CDH1: variants seen among roughly 807,000 people sequenced by gnomAD.
CDH1 encodes cadherin-1.
CDH1 carries 35 observed loss-of-function variants against 84.5 expected under a neutral mutation model. That is an observed-to-expected ratio of 0.41 (90% CI 0.32 to 0.55). The LOEUF (loss-of-function observed/expected upper bound fraction) is 0.55. Ranked by LOEUF, CDH1 falls within the 20% of genes least tolerant of loss-of-function variation. The pLI, the probability that CDH1 is intolerant of heterozygous loss-of-function variation, is 0.19. For missense variants in CDH1, 994 were observed against 1,126.6 expected, an observed-to-expected ratio of 0.88 and a Z score of 1.68; for synonymous variants, 417 against 439.0, an observed-to-expected ratio of 0.95 and a Z score of 0.63.
At chr16:68,754,459 A>G (rs1161157885) in intron 2 of CDH1, among the ~76,000 whole-genome samples, 1 of 152,204 alleles carries the variant, frequency 6.6e-6, no homozygotes, top group Non-Finnish European at 1.5e-5. Context: ...TGTGATCATA[A>G]GCAACAGTGT....
intron 6 of CDH1, among the ~76,000 whole-genome samples, chr16:68,810,685 G>T (rs1960796742): frequency 6.6e-6 from 1 of 151,858 alleles, no homozygotes; most frequent in South Asian, 2.1e-4. Context: ...CCAACATGGT[G>T]AAACCTCGTC....
At chr16:68,739,957 C>T (rs7196495) in intron 2 of CDH1, among the ~76,000 whole-genome samples, 122,466 of 152,014 alleles carry the variant, frequency 0.81, 50,091 homozygotes, top group Non-Finnish European at 0.89. Context: ...GTAGTTCTGA[C>T]TCAGGATGAA....
chr16:68,784,347 C>T (rs1480257524), intron 2 of CDH1, among the ~76,000 whole-genome samples: 2 of 152,090 alleles, frequency 1.3e-5, no homozygotes, highest in South Asian at 2.1e-4. Context: ...AGGGGTCTTG[C>T]CTGACATTCT....
intron 2 of CDH1, among the ~76,000 whole-genome samples, chr16:68,789,787 C>T (rs987896047): frequency 7.2e-5 from 11 of 152,056 alleles, no homozygotes; most frequent in Non-Finnish European, 1.5e-4. Flanking sequence ...AGGCTGGGCC[C>T]GGTGGCTCAT....
At chr16:68,772,675 C>T (rs1959611361) in intron 2 of CDH1, among the ~76,000 whole-genome samples, 1 of 152,170 alleles carries the variant, frequency 6.6e-6, no homozygotes, top group African/African-American at 2.4e-5. Context: ...TGGCTCAAGC[C>T]TGTAATCCCA....
intron 2 of CDH1, among the ~76,000 whole-genome samples, chr16:68,777,412 G>A (rs2152121518): frequency 6.6e-6 from 1 of 152,256 alleles, no homozygotes; most frequent in Non-Finnish European, 1.5e-5. Context: ...TATAAGCCTG[G>A]CATGCAGTGT....
Position 68,834,022 on chromosome 16 carries a change from TCACA to T in CDH1, c.*524_*527del. On this transcript the variant is annotated 3_prime_UTR_variant, in exon 16 of 16. Coordinates refer to ENST00000261769, the MANE Select transcript of CDH1 (RefSeq NM_004360.5). Reference sequence around the variant, plus strand: ...GCCAGGCTGGAGTGCAGTGGTGCAATCACAGCTCACTGCAGCCTTGTCCTCCCAG... The same window carrying T: ...GCCAGGCTGGAGTGCAGTGGTGCAATGCTCACTGCAGCCTTGTCCTCCCAG... 1 of 357,404 alleles carries T rather than the reference TCACA, an allele frequency of 2.8e-6. No individual in the cohort carries two copies. The highest frequency in any genetic ancestry group is 5.3e-6 in the Non-Finnish European group (1 of 188,852). The allele number at this position is 357,404 out of a possible 1,614,324, so 22.1% of individuals were successfully genotyped here. A position where few individuals can be genotyped will look rare whatever the true frequency, so the allele number is the denominator to read the frequency against.
At position 68,833,877 on chromosome 16, in the gene CDH1, C is replaced by T. The variant is rs998898671; in HGVS notation, c.*378C>T. On this transcript the variant is annotated 3_prime_UTR_variant, in exon 16 of 16. Transcript: ENST00000261769. ...AAAAGAAGGGGAGAAGTCAGCTACT[C>T]TAGTTCTGTTGTTTTGTGTATATAA... The T allele has an allele frequency of 2.7e-6, 1 of 372,808 alleles. No individual in the cohort carries two copies. Among genetic ancestry groups the T allele is most frequent in the East Asian group, 4.6e-5 (1 of 21,918 alleles). The allele number at this position is 372,808 out of a possible 1,614,324, so 23.1% of individuals were successfully genotyped here.
intron 2 of CDH1, among the ~76,000 whole-genome samples, chr16:68,792,595 C>G (rs1960237881): frequency 6.6e-6 from 1 of 152,188 alleles, no homozygotes; most frequent in Non-Finnish European, 1.5e-5. Flanking sequence ...GATCAACACC[C>G]ATGGCGTTTG....
In CDH1 at chr16:68,738,964, T is replaced by TTTTTTTTTTTTTTTTTTTTTTTTA. The variant is rs555202424; in HGVS notation, c.163+553_163+554insTTTTTTTTTTTTTTTTTTTTTTTA. ...TTTTTTTTTTTTTTTTTTTTTTTTT[T>TTTTTTTTTTTTTTTTTTTTTTTTA]AAAGACAGGGTCTTGCTCTGTTGCC... On this transcript the variant is annotated intron_variant, in intron 2 of 15. Transcript: ENST00000261769. Among the ~76,000 whole-genome samples, 2 of 65,410 alleles carry TTTTTTTTTTTTTTTTTTTTTTTTA rather than the reference T, an allele frequency of 3.1e-5. 1 individual carries two copies. Among genetic ancestry groups the TTTTTTTTTTTTTTTTTTTTTTTTA allele is most frequent in the Non-Finnish European group, 5.6e-5 (2 of 35,548 alleles). 42.9% of individuals were successfully genotyped at this position (65,410 alleles called of 152,430 possible).
At chr16:68,763,094 G>C (rs1355389336) in intron 2 of CDH1, among the ~76,000 whole-genome samples, 1 of 152,084 alleles carries the variant, frequency 6.6e-6, no homozygotes, top group Non-Finnish European at 1.5e-5. Context: ...AATTTAAAGC[G>C]TTCAATTCCC....
intron 3 of CDH1, among the ~76,000 whole-genome samples, chr16:68,806,914 G>A (rs1024074554): frequency 6.6e-6 from 1 of 152,170 alleles, no homozygotes; most frequent in Non-Finnish European, 1.5e-5. Context: ...GCTCTGTGAT[G>A]ATACCTGGTC....
rs1960775602 is a variant in CDH1 at position 68,810,101 on chromosome 16, T to C, written c.688-96T>C. ...GGGGGTCTCAGAGCCTAGGAAGGTG[T>C]GGCAGCCAGGGGGGCGCACTCTGCT... On this transcript the variant is annotated intron_variant, in intron 5 of 15. Transcript: ENST00000261769. 8.5e-6 allele frequency: 11 copies of C among 1,299,234 alleles called. 1 individual carries two copies. The South Asian group carries it at 1.3e-4, about 15-fold the overall frequency. 80.5% of individuals were successfully genotyped at this position (1,299,234 alleles called of 1,614,324 possible). A position where few individuals can be genotyped will look rare whatever the true frequency, so the allele number is the denominator to read the frequency against.
intron 2 of CDH1, among the ~76,000 whole-genome samples, chr16:68,783,904 T>C (rs1371252831): frequency 2.0e-5 from 3 of 152,154 alleles, no homozygotes; most frequent in Admixed American, 1.3e-4. Flanking sequence ...CCTGAACTCC[T>C]GACCTCAAGC....
intron 2 of CDH1, among the ~76,000 whole-genome samples, chr16:68,767,925 A>G (rs1959436298): frequency 6.6e-6 from 1 of 151,910 alleles, no homozygotes; most frequent in Non-Finnish European, 1.5e-5. Flanking sequence ...AGAGACCCCC[A>G]TCTCTAAAAA....
At position 68,815,886 on chromosome 16, in the gene CDH1, A is replaced by T; in HGVS notation, c.1565+127A>T. On this transcript the variant is annotated intron_variant, in intron 10 of 15. Coordinates refer to ENST00000261769, the MANE Select transcript of CDH1 (RefSeq NM_004360.5). ...CTGTACAAGACCATTCTCTTAATTTATTTTTTATTCCCTTTATCTGTGCTC... is the reference window on the plus strand; with the variant it reads ...CTGTACAAGACCATTCTCTTAATTTTTTTTTTATTCCCTTTATCTGTGCTC... The T allele has an allele frequency of 5.2e-6, 6 of 1,160,378 alleles. 1 individual carries two copies. The South Asian group carries it at 8.3e-5, about 16-fold the overall frequency. 71.9% of individuals were successfully genotyped at this position (1,160,378 alleles called of 1,614,324 possible).
rs201141645 is a variant in CDH1 at position 68,808,707 on chromosome 16, A to G, written c.546A>G (p.Lys182=). The G allele has an allele frequency of 2.5e-6, 4 of 1,614,200 alleles. No individual in the cohort carries two copies. The highest frequency in any genetic ancestry group is 3.4e-6 in the Non-Finnish European group (4 of 1,180,034). Residue 182 remains lysine, a synonymous_variant, in exon 5 of 16, where the codon AAA becomes AAG. Transcript: ENST00000261769. ...TTTGTCTTCAGATCAAATCCAACAA[A>G]GACAAAGAAGGCAAGGTTTTCTACA... ...PKNLVQIKSN[K]DKEGKVFYSI...
chr16:68,821,451 CAG>C (rs1022709898), intron 11 of CDH1, among the ~76,000 whole-genome samples: 4 of 141,176 alleles, frequency 2.8e-5, no homozygotes, highest in African/African-American at 1.1e-4. Context: ...GCCTGGGTGA[CAG>C]AGTGAGACTC....
intron 2 of CDH1, among the ~76,000 whole-genome samples, chr16:68,789,060 G>A (rs971511025): frequency 1.3e-5 from 2 of 152,228 alleles, no homozygotes; most frequent in Middle Eastern, 6.8e-3. Flanking sequence ...TTCTCACTGT[G>A]TCACCCAAGC....
Sources: allele counts gnomAD v4.1 joint callset (sites outside exome capture counted in the v4.1 genomes callset), GRCh38; gene constraint gnomAD v4.1.1; transcripts MANE v1.5; gene names NCBI Gene and HGNC (gene_info 2026-07-23, HGNC 2026-07-21).